CDC42BPA: variants seen among roughly 807,000 people sequenced by gnomAD.
The protein encoded by CDC42BPA is CDC42 binding protein kinase alpha, also known as serine/threonine-protein kinase MRCK alpha.
In CDC42BPA, 80 loss-of-function variants were observed where a neutral mutation model predicts 223.5. That is an observed-to-expected ratio of 0.36 (90% CI 0.30 to 0.43). The LOEUF is 0.43. CDC42BPA is among the 20% of genes least tolerant of loss of function. The probability of loss-of-function intolerance (pLI) is 1.00; values close to 1 mark genes in which losing one functional copy is unlikely to be tolerated. For missense variants in CDC42BPA, 1,743 were observed against 2,099.9 expected, an observed-to-expected ratio of 0.83 and a Z score of 3.32; for synonymous variants, 694 against 718.6, an observed-to-expected ratio of 0.97 and a Z score of 0.55.
At chr1:227,289,248 T>C (rs944228771) in intron 1 of CDC42BPA, among the ~76,000 whole-genome samples, 5 of 152,120 alleles carry the variant, frequency 3.3e-5, no homozygotes, top group Non-Finnish European at 7.4e-5. Flanking sequence ...ATAAACTCCT[T>C]TCCAGGAGAA....
At chr1:227,291,340 G>A (rs1369944372) in intron 1 of CDC42BPA, among the ~76,000 whole-genome samples, 3 of 152,132 alleles carry the variant, frequency 2.0e-5, no homozygotes, top group Non-Finnish European at 4.4e-5. Context: ...CTTGAGGTCA[G>A]GAGTTCAAAA....
At chr1:227,171,811 T>C (rs997382377) in intron 5 of CDC42BPA, among the ~76,000 whole-genome samples, 1 of 152,116 alleles carries the variant, frequency 6.6e-6, no homozygotes, top group Non-Finnish European at 1.5e-5. Flanking sequence ...AATTCAACTA[T>C]AGAGGGTTAT....
chr1:227,123,505 G>C (rs1418089497), intron 11 of CDC42BPA, among the ~76,000 whole-genome samples: 1 of 152,098 alleles, frequency 6.6e-6, no homozygotes, highest in Non-Finnish European at 1.5e-5. Flanking sequence ...AAGGAGGTAA[G>C]TTAGACAACA....
intron 5 of CDC42BPA, among the ~76,000 whole-genome samples, chr1:227,168,503 T>TTTTTTTGTTTTTTTTTTTTG (rs1434140691): frequency 2.3e-5 from 3 of 129,712 alleles, no homozygotes; most frequent in Non-Finnish European, 3.3e-5. Context: ...TGGTGTTTTT[T>TTTTTTTGTTTTTTTTTTTTG]TTTTTTTTTT....
At chr1:227,137,386 A>G (rs1055675179) in intron 10 of CDC42BPA, among the ~76,000 whole-genome samples, 2 of 152,144 alleles carry the variant, frequency 1.3e-5, no homozygotes, top group Admixed American at 6.5e-5. Context: ...GGAGTTGAAG[A>G]CAGTAGAACT....
At chr1:227,254,618 A>G (rs965591256) in intron 1 of CDC42BPA, among the ~76,000 whole-genome samples, 2 of 152,232 alleles carry the variant, frequency 1.3e-5, no homozygotes, top group African/African-American at 4.8e-5. Flanking sequence ...TCTACAGTAT[A>G]CAAAGCATGG....
chr1:227,133,163 G>T (rs1167194710), intron 10 of CDC42BPA, among the ~76,000 whole-genome samples: 2 of 150,374 alleles, frequency 1.3e-5, no homozygotes, highest in East Asian at 4.0e-4. Context: ...CCCCTACTGG[G>T]AACTGAGGAA....
intron 2 of CDC42BPA, among the ~76,000 whole-genome samples, chr1:227,243,305 G>A (rs1680324058): frequency 6.6e-6 from 1 of 152,136 alleles, no homozygotes; most frequent in African/African-American, 2.4e-5. Flanking sequence ...ACCTGCAAGT[G>A]TACCCCTGAC....
intron 5 of CDC42BPA, among the ~76,000 whole-genome samples, chr1:227,164,766 C>A (rs912355637): frequency 2.6e-5 from 4 of 152,248 alleles, no homozygotes; most frequent in African/African-American, 9.6e-5. Flanking sequence ...ACTCTGGAAA[C>A]CAGATCCTAG....
Position 227,129,233 on chromosome 1 carries a change from TTTAAA to T in CDC42BPA, c.1391-7_1391-3del. On this transcript the variant is annotated splice_region_variant and splice_polypyrimidine_tract_variant and intron_variant, in intron 10 of 36. Coordinates refer to ENST00000366766, the MANE Select transcript of CDC42BPA (RefSeq NM_001394014.1). ...GAGCTTGGACAGTCTGTGTTGACTC[TTTAAA>T]AAAAAGGATAAAAGAAATAAAAATA... 1.3e-6 allele frequency: 2 copies of T among 1,555,432 alleles called. No homozygotes were observed. Among genetic ancestry groups the T allele is most frequent in the Non-Finnish European group, 1.7e-6 (2 of 1,156,210 alleles).
At chr1:227,061,064 T>C (rs1371693189) in intron 21 of CDC42BPA, among the ~76,000 whole-genome samples, 2 of 152,136 alleles carry the variant, frequency 1.3e-5, no homozygotes, top group African/African-American at 2.4e-5. Flanking sequence ...GGAAGATAAC[T>C]TGAACACTGT....
chr1:227,199,772 A>C (rs905502851), intron 3 of CDC42BPA, 120 bp from the exon 4 acceptor site: 6 of 500,398 alleles, frequency 1.2e-5, no homozygotes, highest in African/African-American at 1.2e-4. Context: ...TGATATTATA[A>C]GACATTTCAA....
At position 227,147,360 on chromosome 1, in the gene CDC42BPA, T is replaced by C; in HGVS notation, c.893A>G (p.Lys298Arg). The C allele has an allele frequency of 7.5e-6, 12 of 1,607,552 alleles. No homozygotes were observed. The highest frequency in any genetic ancestry group is 1.0e-5 in the Non-Finnish European group (12 of 1,176,424). Residue 298 changes from lysine (K) to arginine (R), a missense_variant and splice_region_variant, in exon 7 of 37, where the codon AAA becomes AGA. Physicochemically the swap from Lys to Arg is conservative, Grantham distance 26. This residue lies in a region of CDC42BPA where 321 missense variants were observed against 488.7 expected (regional missense o/e 0.66). Transcript: ENST00000366766. Reference sequence around the variant, plus strand: ...TGAACAAAAGTAAAACATACTAACTTTGTGGTTCATGATTTTTCCGTATGT... The same window carrying C: ...TGAACAAAAGTAAAACATACTAACTCTGTGGTTCATGATTTTTCCGTATGT... Reference protein sequence around the residue: ...VETYGKIMNHKERFQFPAQVT... With the variant: ...VETYGKIMNHRERFQFPAQVT...
chr1:227,163,107 T>TAA (rs200875610), intron 5 of CDC42BPA, among the ~76,000 whole-genome samples: 12 of 59,804 alleles, frequency 2.0e-4, no homozygotes, highest in Admixed American at 1.1e-3. Flanking sequence ...TTTCCAAACA[T>TAA]ATATGTGTGT....
chr1:227,202,069 T>C (rs1671867423), intron 3 of CDC42BPA, among the ~76,000 whole-genome samples: 2 of 152,316 alleles, frequency 1.3e-5, no homozygotes, highest in African/African-American at 4.8e-5. Flanking sequence ...CTGCAACCTC[T>C]GCCTCCGGGT....
intron 2 of CDC42BPA, among the ~76,000 whole-genome samples, chr1:227,214,198 T>C (rs1369434992): frequency 6.6e-6 from 1 of 150,902 alleles, no homozygotes; most frequent in Admixed American, 6.6e-5. Context: ...AGAGTATAGG[T>C]TTAAATTCAA....
chr1:227,228,498 A>T (rs75317518), intron 2 of CDC42BPA, among the ~76,000 whole-genome samples: 14,968 of 152,184 alleles, frequency 0.098, 873 homozygotes, highest in Middle Eastern at 0.17. Context: ...TTCATATACA[A>T]GTTTTTGTGT....
rs553666231 is a variant in CDC42BPA at position 227,295,673 on chromosome 1, A to G, written c.178+21332T>C. On this transcript the variant is annotated intron_variant, in intron 1 of 36. Coordinates refer to ENST00000366766, the MANE Select transcript of CDC42BPA (RefSeq NM_001394014.1). ...CAAGTAAAAGACATTTGAAGGTCCA[A>G]TGCTGGTATGGCAGTTTCACAAAGC... Among the ~76,000 whole-genome samples the G allele has an allele frequency of 6.6e-5, 10 of 152,346 alleles. No individual in the cohort carries two copies. The East Asian group carries it at 9.6e-4, about 15-fold the overall frequency.
intron 1 of CDC42BPA, among the ~76,000 whole-genome samples, chr1:227,258,931 G>C (rs576002558): frequency 1.3e-4 from 19 of 151,142 alleles, no homozygotes; most frequent in Non-Finnish European, 2.6e-4. Flanking sequence ...TACTGCCCTT[G>C]ACAAAAATCA....
Sources: allele counts gnomAD v4.1 joint callset (sites outside exome capture counted in the v4.1 genomes callset), GRCh38; gene constraint gnomAD v4.1.1; regional missense constraint gnomAD v4.1.1; transcripts MANE v1.5; gene names NCBI Gene and HGNC (gene_info 2026-07-23, HGNC 2026-07-21).